LDLRAD3: variants seen among roughly 807,000 people sequenced by gnomAD.
The protein encoded by LDLRAD3 is low density lipoprotein receptor class A domain containing 3.
In LDLRAD3, 20 loss-of-function variants were observed where a neutral mutation model predicts 29.4. That is an observed-to-expected ratio of 0.68 (90% CI 0.48 to 0.99). The LOEUF is 0.99. Ranked by LOEUF, LDLRAD3 falls within the 50% of genes least tolerant of loss-of-function variation. The pLI is 0.00. For missense variants in LDLRAD3, 420 were observed against 454.3 expected (o/e 0.92, Z 0.69); for synonymous variants, 157 against 192.7 (o/e 0.81, Z 1.53).
chr11:35,949,780 A>G (rs1281612554), intron 1 of LDLRAD3, among the ~76,000 whole-genome samples: 1 of 152,196 alleles, frequency 6.6e-6, no homozygotes, highest in Non-Finnish European at 1.5e-5. Flanking sequence ...ACTTATCTGC[A>G]GCTGTCTTCT....
chr11:36,180,865 T>C (rs1482560006), intron 4 of LDLRAD3, among the ~76,000 whole-genome samples: 1 of 152,096 alleles, frequency 6.6e-6, no homozygotes, highest in Non-Finnish European at 1.5e-5. Flanking sequence ...TTGGAATTGC[T>C]TGTGGATTTG....
intron 1 of LDLRAD3, among the ~76,000 whole-genome samples, chr11:35,985,843 C>CTT (rs112760228): frequency 0.04 from 5,806 of 144,134 alleles, 335 homozygotes; most frequent in African/African-American, 0.13. Context: ...TCCATTAAGC[C>CTT]TTTTTTTTTT....
chr11:36,209,385 A>T (rs1170583746), intron 4 of LDLRAD3, among the ~76,000 whole-genome samples: 1 of 112,820 alleles, frequency 8.9e-6, no homozygotes, highest in East Asian at 2.9e-4. Flanking sequence ...TTTGAGACTG[A>T]GTCTCGCTCT....
At chr11:36,215,673 G>A (rs146795240) in intron 4 of LDLRAD3, among the ~76,000 whole-genome samples, 332 of 152,288 alleles carry the variant, frequency 2.2e-3, no homozygotes, top group African/African-American at 7.7e-3. Flanking sequence ...TGTTGGGTCA[G>A]GGTCGTTGTG....
intron 4 of LDLRAD3, among the ~76,000 whole-genome samples, chr11:36,141,581 G>A (rs1809387217): frequency 6.6e-6 from 1 of 152,110 alleles, no homozygotes; most frequent in Non-Finnish European, 1.5e-5. Flanking sequence ...GGTCTAGGCA[G>A]TAGCCAGAAT....
chr11:36,099,292 T>C (rs113946985), intron 4 of LDLRAD3, among the ~76,000 whole-genome samples: 2,428 of 152,058 alleles, frequency 0.016, 19 homozygotes, highest in Middle Eastern at 0.034. Context: ...GGTACATTTC[T>C]TTACTCATGG....
intron 4 of LDLRAD3, among the ~76,000 whole-genome samples, chr11:36,220,989 AAAGGGATGAGGAAGAGTCAGTTTG>A (rs1855418534): frequency 6.6e-6 from 1 of 152,184 alleles, no homozygotes; most frequent in Non-Finnish European, 1.5e-5. Flanking sequence ...GGAGTTTTTC[AAAGGGATGAGGAAGAGTCAGTTTG>A]AAGGGCAATG....
At chr11:35,998,905 A>G (rs189248193) in intron 1 of LDLRAD3, among the ~76,000 whole-genome samples, 1 of 152,312 alleles carries the variant, frequency 6.6e-6, no homozygotes, top group East Asian at 1.9e-4. Flanking sequence ...GATCATTGGT[A>G]TGAGTCCTGG....
intron 3 of LDLRAD3, among the ~76,000 whole-genome samples, chr11:36,082,444 G>A (rs1853129605): frequency 6.6e-6 from 1 of 152,178 alleles, no homozygotes; most frequent in Non-Finnish European, 1.5e-5. Flanking sequence ...GGAGGTCAAG[G>A]CTGCAGTGAG....
intron 4 of LDLRAD3, among the ~76,000 whole-genome samples, chr11:36,225,813 G>A (rs1156565278): frequency 6.6e-6 from 1 of 152,208 alleles, no homozygotes; most frequent in Non-Finnish European, 1.5e-5. Context: ...GCTCACGCCT[G>A]TAATCCCAGC....
intron 4 of LDLRAD3, among the ~76,000 whole-genome samples, chr11:36,102,950 A>G (rs1294531144): frequency 6.6e-6 from 1 of 152,156 alleles, no homozygotes; most frequent in Non-Finnish European, 1.5e-5. Context: ...ATGTGATTAG[A>G]TCTTAGATCC....
chr11:36,036,528 C>A (rs1474267918), intron 2 of LDLRAD3, among the ~76,000 whole-genome samples: 1 of 152,172 alleles, frequency 6.6e-6, no homozygotes, highest in Non-Finnish European at 1.5e-5. Flanking sequence ...CCCATCCTTG[C>A]CTTCGCTTTA....
chr11:35,954,281 G>A (rs1851174005), intron 1 of LDLRAD3, among the ~76,000 whole-genome samples: 1 of 152,154 alleles, frequency 6.6e-6, no homozygotes, highest in South Asian at 2.1e-4. Context: ...AAGGAACACT[G>A]CCCAGAATTG....
At chr11:35,992,218 G>A (rs1161063903) in intron 1 of LDLRAD3, among the ~76,000 whole-genome samples, 3 of 152,118 alleles carry the variant, frequency 2.0e-5, no homozygotes, top group Admixed American at 6.6e-5. Flanking sequence ...GAACAAGAAT[G>A]CAACCTTGAT....
At chr11:36,157,343 G>A (rs912248394) in intron 4 of LDLRAD3, among the ~76,000 whole-genome samples, 26 of 152,214 alleles carry the variant, frequency 1.7e-4, no homozygotes, top group Non-Finnish European at 3.5e-4. Context: ...ACCTCTGGGG[G>A]ATGCCAGACA....
intron 4 of LDLRAD3, among the ~76,000 whole-genome samples, chr11:36,165,123 C>G (rs1326383805): frequency 6.6e-6 from 1 of 152,160 alleles, no homozygotes; most frequent in Admixed American, 6.5e-5. Context: ...TTTGTTCTTG[C>G]AACCGTGATA....
intron 2 of LDLRAD3, among the ~76,000 whole-genome samples, chr11:36,061,322 G>A (rs1227420076): frequency 6.6e-6 from 1 of 152,074 alleles, no homozygotes. Context: ...TATTTTTTTA[G>A]TAGAGACGGG....
chr11:35,980,816 G>A (rs1276009395), intron 1 of LDLRAD3, among the ~76,000 whole-genome samples: 1 of 152,188 alleles, frequency 6.6e-6, no homozygotes, highest in African/African-American at 2.4e-5. Flanking sequence ...TTGCAGATGT[G>A]TTTTGATTTC....
intron 1 of LDLRAD3, among the ~76,000 whole-genome samples, chr11:35,970,903 TG>T (rs1291040884): frequency 6.6e-6 from 1 of 152,188 alleles, no homozygotes; most frequent in African/African-American, 2.4e-5. Flanking sequence ...TGATTGACTC[TG>T]GGGGAACCTT....
Sources: gnomAD v4.1 joint callset for allele counts (sites outside exome capture counted in the v4.1 genomes callset) on GRCh38, gnomAD v4.1.1 for gene constraint, MANE v1.5 for transcripts, NCBI Gene and HGNC (gene_info 2026-07-23, HGNC 2026-07-21) for gene names.